The following INSR variants were observed in gnomAD, a reference collection of about 807,000 sequenced individuals.
INSR encodes insulin receptor.
In INSR, 67 loss-of-function variants were observed where a neutral mutation model predicts 142.6. That is an observed-to-expected ratio of 0.47 (90% CI 0.39 to 0.58). The LOEUF (loss-of-function observed/expected upper bound fraction) is 0.58. Among genes scored for constraint, INSR ranks in the 20% least tolerant of loss-of-function variants. The probability of loss-of-function intolerance (pLI) is 0.00; values close to 1 mark genes in which losing one functional copy is unlikely to be tolerated. For synonymous variants in INSR, 756 were observed against 743.1 expected (o/e 1.02, Z -0.28); for missense variants, 1,248 against 1,833.2 (o/e 0.68, Z 5.83).
chr19:7,279,715 C>T (rs537253124), intron 1 of INSR, among the ~76,000 whole-genome samples: 4 of 151,986 alleles, frequency 2.6e-5, no homozygotes, highest in African/African-American at 9.6e-5. Flanking sequence ...AGGCTCACGC[C>T]TGGAATCCCA....
chr19:7,132,136 T>C, intron 14 of INSR, 22 bp downstream of exon 14: 1 of 1,613,540 alleles, frequency 6.2e-7, no homozygotes, highest in Non-Finnish European at 8.5e-7. Context: ...CCCAGTCAGC[T>C]GAGGCTGCCA....
At position 7,122,864 on chromosome 19, in the gene INSR, C is replaced by T; in HGVS notation, c.3369+15G>A. 1 of 1,609,960 alleles carries T rather than the reference C, an allele frequency of 6.2e-7. No homozygotes were observed. The highest frequency in any genetic ancestry group is 1.1e-5 in the South Asian group (1 of 90,562). ...CTCCACCGAGTACCCCGCTGGGTCC[C>T]CCGAAGCAGCTTACCTCAGCCTCTG... is the stretch of plus-strand genomic sequence containing the variant. On this transcript the variant is annotated intron_variant, in intron 18 of 21. Transcript: ENST00000302850.
intron 2 of INSR, among the ~76,000 whole-genome samples, chr19:7,243,244 T>G (rs1417515998): frequency 7.8e-6 from 1 of 128,212 alleles, no homozygotes; most frequent in Non-Finnish European, 1.7e-5. Context: ...GTTTTTTTTT[T>G]TTTTTTTTTT....
intron 9 of INSR, among the ~76,000 whole-genome samples, chr19:7,160,376 A>T (rs1439240881): frequency 6.6e-6 from 1 of 150,618 alleles, no homozygotes; most frequent in Non-Finnish European, 1.5e-5. Context: ...CAAACTCCTG[A>T]CCCCTGGTGA....
chr19:7,219,711 T>C (rs1341870289), intron 2 of INSR, among the ~76,000 whole-genome samples: 1 of 152,164 alleles, frequency 6.6e-6, no homozygotes, highest in Admixed American at 6.6e-5. Flanking sequence ...GAACGATTGC[T>C]GGCTCATTTA....
intron 2 of INSR, among the ~76,000 whole-genome samples, chr19:7,232,501 A>G (rs866084801): frequency 1.3e-5 from 2 of 152,212 alleles, no homozygotes; most frequent in African/African-American, 4.8e-5. Flanking sequence ...GGCCATGTGC[A>G]TTTTATTGTA....
At chr19:7,253,090 G>A (rs559498090) in intron 2 of INSR, among the ~76,000 whole-genome samples, 2 of 147,772 alleles carry the variant, frequency 1.4e-5, no homozygotes, top group East Asian at 4.1e-4. Flanking sequence ...ACTCCAGCCT[G>A]GTGACAGAGT....
intron 2 of INSR, among the ~76,000 whole-genome samples, chr19:7,251,448 A>ATGGGGTCTCACTATGTTGTCCAGGC (rs1976725713): frequency 1.3e-5 from 2 of 151,564 alleles, no homozygotes; most frequent in Non-Finnish European, 2.9e-5. Context: ...TTTAGTAGAG[A>ATGGGGTCTCACTATGTTGTCCAGGC]TGGGGTCTCA....
chr19:7,170,772 T>C, intron 5 of INSR, 21 bp from the exon 6 acceptor site: 1 of 1,574,664 alleles, frequency 6.4e-7, no homozygotes, highest in Non-Finnish European at 8.7e-7. Context: ...AACACACACA[T>C]CTAGTCATTC....
intron 2 of INSR, among the ~76,000 whole-genome samples, chr19:7,227,569 G>A (rs757277596): frequency 3.3e-5 from 5 of 152,076 alleles, no homozygotes; most frequent in Non-Finnish European, 5.9e-5. Context: ...CACTGCACCC[G>A]GTCAACATTT....
chr19:7,138,122 C>G lies in INSR; in HGVS notation c.2682+3555G>C, dbSNP rs1169158567. On this transcript the variant is annotated intron_variant, in intron 13 of 21. Coordinates refer to ENST00000302850, the MANE Select transcript of INSR (RefSeq NM_000208.4). Reference sequence around the variant, plus strand: ...GGGACTACAGGCGCCCGCCACCATGCCCGGCTAATTTTTTTGTATTTTTAG... The same window carrying G: ...GGGACTACAGGCGCCCGCCACCATGGCCGGCTAATTTTTTTGTATTTTTAG... Among the ~76,000 whole-genome samples, 4 of 151,720 alleles carry G rather than the reference C, an allele frequency of 2.6e-5. No individual in the cohort carries two copies. The East Asian group carries it at 7.9e-4, about 30-fold the overall frequency.
chr19:7,205,819 G>T (rs1975091977), intron 2 of INSR, among the ~76,000 whole-genome samples: 1 of 152,160 alleles, frequency 6.6e-6, no homozygotes, highest in African/African-American at 2.4e-5. Context: ...AGCCCAGGAG[G>T]TCAAAGCTGC....
In INSR at chr19:7,192,140, AAG is replaced by A. The variant is rs796644926; in HGVS notation, c.653-7505_653-7504del. Among the ~76,000 whole-genome samples, 12 of 148,214 alleles carry A rather than the reference AAG, an allele frequency of 8.1e-5. No individual in the cohort carries two copies. Among genetic ancestry groups the A allele is most frequent in the Non-Finnish European group, 1.6e-4 (11 of 67,224 alleles). On this transcript the variant is annotated intron_variant, in intron 2 of 21. Transcript: ENST00000302850. This position sits in a 1 kb window ranked among gnomAD's most constrained non-coding sequence, Gnocchi z 4.2. ...AGAAAGAGGGAGAAAGAAGAAAGAT[AAG>A]AGAGAGAGAAAGAGAAAGAAAAAGA...
chr19:7,177,702 A>ATTTTTTTTTTTTTTT (rs71177166), intron 3 of INSR, among the ~76,000 whole-genome samples: 1 of 90,680 alleles, frequency 1.1e-5, no homozygotes, highest in Non-Finnish European at 2.1e-5. Context: ...CTAATTTTGT[A>ATTTTTTTTTTTTTTT]TTTTTTTTTT....
At chr19:7,152,552 C>T (rs2144890326) in intron 10 of INSR, 174 bp downstream of exon 10, 5 of 696,168 alleles carry the variant, frequency 7.2e-6, no homozygotes, top group South Asian at 3.0e-5. Context: ...AAATTCCCCT[C>T]GAAATTTCGA....
chr19:7,247,841 T>C (rs568252010), intron 2 of INSR, among the ~76,000 whole-genome samples: 1 of 152,356 alleles, frequency 6.6e-6, no homozygotes, highest in East Asian at 1.9e-4. Flanking sequence ...GATAGCAACA[T>C]TGTCTGTCTG....
At chr19:7,258,913 T>G (rs1976972003) in intron 2 of INSR, among the ~76,000 whole-genome samples, 1 of 147,914 alleles carries the variant, frequency 6.8e-6, no homozygotes, top group African/African-American at 2.5e-5. Context: ...CTTTTCCTTC[T>G]TTCCTTCCTT....
chr19:7,112,958 A>C lies in INSR; in HGVS notation c.*4098T>G, dbSNP rs746343750. 1 of 151,960 alleles carries C rather than the reference A, an allele frequency of 6.6e-6. No homozygotes were observed. The highest frequency in any genetic ancestry group is 2.4e-5 in the African/African-American group (1 of 41,334). 9.4% of individuals were successfully genotyped at this position (151,960 alleles called of 1,614,324 possible). The stretch of plus-strand genomic sequence containing the variant: ...ATGCTGGAAGATTTTCTGAAGTGAC[A>C]CCCCTCTCTGTGTACCATGTATATA... On this transcript the variant is annotated 3_prime_UTR_variant, in exon 22 of 22. Coordinates refer to ENST00000302850, the MANE Select transcript of INSR (RefSeq NM_000208.4).
intron 2 of INSR, among the ~76,000 whole-genome samples, chr19:7,232,217 T>C (rs1205490399): frequency 5.4e-5 from 4 of 74,436 alleles, no homozygotes; most frequent in African/African-American, 1.8e-4. Context: ...TTTTATTTTA[T>C]TTTATTTATT....
Sources: gnomAD v4.1 joint callset for allele counts (sites outside exome capture counted in the v4.1 genomes callset) on GRCh38, gnomAD v4.1.1 for gene constraint, Gnocchi (gnomAD v3.1) non-coding constraint, MANE v1.5 for transcripts, NCBI Gene and HGNC (gene_info 2026-07-23, HGNC 2026-07-21) for gene names.